Variants in CHRM2 observed in about 807,000 individuals in gnomAD.
CHRM2 encodes the protein muscarinic acetylcholine receptor M2.
In CHRM2, 8 loss-of-function variants were observed where a neutral mutation model predicts 25.0. That is an observed-to-expected ratio of 0.32 (90% CI 0.19 to 0.58). The LOEUF (loss-of-function observed/expected upper bound fraction) is 0.58. Among genes scored for constraint, CHRM2 ranks in the 20% least tolerant of loss-of-function variants. The probability of loss-of-function intolerance (pLI) is 0.88; values close to 1 mark genes in which losing one functional copy is unlikely to be tolerated. For synonymous variants in CHRM2, 202 were observed against 205.7 expected, an observed-to-expected ratio of 0.98 and a Z score of 0.15; for missense variants, 440 against 567.1, an observed-to-expected ratio of 0.78 and a Z score of 2.28.
chr7:136,996,292 T>C (rs1047784183), intron 3 of CHRM2, among the ~76,000 whole-genome samples: 1 of 152,030 alleles, frequency 6.6e-6, no homozygotes, highest in African/African-American at 2.4e-5. Context: ...TATCAATAGA[T>C]ATAACACATG....
intron 3 of CHRM2, among the ~76,000 whole-genome samples, chr7:137,011,132 C>T (rs1429441654): frequency 6.6e-6 from 1 of 151,344 alleles, no homozygotes. Context: ...TATTCAGCTT[C>T]TCTAATACCA....
intron 2 of CHRM2, among the ~76,000 whole-genome samples, chr7:136,958,164 A>C (rs1434237262): frequency 6.6e-6 from 1 of 152,140 alleles, no homozygotes; most frequent in African/African-American, 2.4e-5. Context: ...GTTGAGAGGG[A>C]AGAGAACAGC....
rs940535999 is a variant in CHRM2 at position 136,927,611 on chromosome 7, G to C, written c.-125+58193G>C. Among the ~76,000 whole-genome samples, 8 of 152,254 alleles carry C rather than the reference G, an allele frequency of 5.3e-5. No homozygotes were observed. In the South Asian group the frequency reaches 1.7e-3, roughly 32 times the overall value. On this transcript the variant is annotated intron_variant, in intron 2 of 3. Coordinates refer to ENST00000680005, the MANE Select transcript of CHRM2 (RefSeq NM_001006630.2). ...AGCCCCATGGGGCATATTTATGCCA[G>C]GATAGACAAATTATAAAATGAATTA...
At chr7:136,991,753 A>C (rs1046303896) in intron 2 of CHRM2, among the ~76,000 whole-genome samples, 5 of 152,162 alleles carry the variant, frequency 3.3e-5, no homozygotes, top group Non-Finnish European at 7.4e-5. Flanking sequence ...AATTATATGC[A>C]TAATCAATTT....
intron 2 of CHRM2, among the ~76,000 whole-genome samples, chr7:136,942,822 CA>C (rs1167211761): frequency 6.6e-6 from 1 of 152,124 alleles, no homozygotes; most frequent in Non-Finnish European, 1.5e-5. Context: ...AGACAATGCA[CA>C]AGAGAATTTT....
intron 3 of CHRM2, among the ~76,000 whole-genome samples, chr7:137,010,739 CTAAG>C (rs1804749148): frequency 6.6e-6 from 1 of 151,948 alleles, no homozygotes; most frequent in Non-Finnish European, 1.5e-5. Flanking sequence ...GTAATAGCAA[CTAAG>C]TTTGTTAACA....
chr7:137,007,113 A>C (rs1804494220), intron 3 of CHRM2, among the ~76,000 whole-genome samples: 1 of 152,174 alleles, frequency 6.6e-6, no homozygotes, highest in African/African-American at 2.4e-5. Flanking sequence ...AGAAAGGGAA[A>C]GAGAGATACA....
intron 2 of CHRM2, among the ~76,000 whole-genome samples, chr7:136,922,794 C>G (rs1008083627): frequency 4.3e-4 from 65 of 152,270 alleles, no homozygotes; most frequent in African/African-American, 1.5e-3. Flanking sequence ...ACCAAAGGCT[C>G]TGTATGTTGC....
At chr7:136,929,431 C>T (rs978437) in intron 2 of CHRM2, among the ~76,000 whole-genome samples, 101,715 of 151,886 alleles carry the variant, frequency 0.67, 34,814 homozygotes, top group African/African-American at 0.77. Flanking sequence ...TAAAAATATA[C>T]ACAGTTGCTG....
chr7:136,927,709 C>T lies in CHRM2; in HGVS notation c.-125+58291C>T, dbSNP rs190409146. Among the ~76,000 whole-genome samples, 23 of 152,014 alleles carry T rather than the reference C, an allele frequency of 1.5e-4. No individual in the cohort carries two copies. The East Asian group carries it at 4.5e-3, about 29-fold the overall frequency. On this transcript the variant is annotated intron_variant, in intron 2 of 3. Coordinates refer to ENST00000680005, the MANE Select transcript of CHRM2 (RefSeq NM_001006630.2). The stretch of plus-strand genomic sequence containing the variant: ...ATTCAAATGACAAGTTGTTTGAGAT[C>T]GGTGTGGAAATGGAATCAATAGAAT...
intron 2 of CHRM2, among the ~76,000 whole-genome samples, chr7:136,937,482 G>A (rs918219596): frequency 1.3e-4 from 15 of 117,484 alleles, no homozygotes; most frequent in African/African-American, 1.9e-4. Flanking sequence ...ACACTTGATC[G>A]CCCTTTTTTA....
chr7:136,957,014 G>GC (rs1291422074), intron 2 of CHRM2, among the ~76,000 whole-genome samples: 1 of 152,066 alleles, frequency 6.6e-6, no homozygotes, highest in Non-Finnish European at 1.5e-5. Context: ...CTACTCCAAG[G>GC]CCCCTCAGAG....
intron 2 of CHRM2, chr7:136,907,841 A>G (rs992305280): frequency 6.6e-6 from 1 of 151,962 alleles, no homozygotes; most frequent in Non-Finnish European, 1.5e-5. Flanking sequence ...GGGAGAGTAG[A>G]ACTCACCACG....
chr7:136,886,422 A>G (rs184975749), intron 2 of CHRM2, among the ~76,000 whole-genome samples: 163 of 152,228 alleles, frequency 1.1e-3, no homozygotes, highest in Admixed American at 9.0e-3. Context: ...TTGCTTTCTG[A>G]CTCCTCTTTG....
At chr7:136,944,733 T>A (rs772706427) in intron 2 of CHRM2, among the ~76,000 whole-genome samples, 1 of 152,100 alleles carries the variant, frequency 6.6e-6, no homozygotes, top group South Asian at 2.1e-4. Context: ...TTTAGTTCTT[T>A]AAGGAATCGC....
At chr7:136,879,926 C>T (rs761837425) in intron 2 of CHRM2, among the ~76,000 whole-genome samples, 3 of 151,812 alleles carry the variant, frequency 2.0e-5, no homozygotes, top group Non-Finnish European at 4.4e-5. Context: ...CAGTTTGAAC[C>T]GCAGGGGTCG....
intron 2 of CHRM2, among the ~76,000 whole-genome samples, chr7:136,941,500 A>G (rs1227299014): frequency 6.6e-6 from 1 of 152,242 alleles, no homozygotes; most frequent in Non-Finnish European, 1.5e-5. Context: ...ATTGAAGTGA[A>G]GCAAAGTGCG....
At chr7:136,870,035 G>T (rs1263945058) in intron 2 of CHRM2, 1 of 152,452 alleles carries the variant, frequency 6.6e-6, no homozygotes, top group Non-Finnish European at 1.5e-5. Context: ...GGGGGAAAGG[G>T]TCCCAAGACA....
At chr7:136,935,556 C>T (rs541519613) in intron 2 of CHRM2, among the ~76,000 whole-genome samples, 3 of 152,280 alleles carry the variant, frequency 2.0e-5, no homozygotes, top group South Asian at 2.1e-4. Flanking sequence ...AAATTGTCCT[C>T]GCTGGGAGCA....
Sources: gnomAD v4.1 joint callset for allele counts (sites outside exome capture counted in the v4.1 genomes callset) on GRCh38, gnomAD v4.1.1 for gene constraint, MANE v1.5 for transcripts, NCBI Gene and HGNC (gene_info 2026-07-23, HGNC 2026-07-21) for gene names.